The following IFT80 variants were observed in gnomAD, a reference collection of about 807,000 sequenced individuals.
IFT80 encodes intraflagellar transport 80.
IFT80 carries 79 observed loss-of-function variants against 107.9 expected under a neutral mutation model. The observed-to-expected ratio is 0.73, with a 90% CI of 0.61 to 0.88. The LOEUF (loss-of-function observed/expected upper bound fraction) is 0.88. Ranked by LOEUF, IFT80 falls within the 40% of genes least tolerant of loss-of-function variation. IFT80 has a pLI of 0.00. For missense variants in IFT80, 797 were observed against 914.2 expected (o/e 0.87, Z 1.65); for synonymous variants, 299 against 300.9 (o/e 0.99, Z 0.07).
intron 1 of IFT80, among the ~76,000 whole-genome samples, chr3:160,390,275 G>C (rs188970636): frequency 6.6e-6 from 1 of 152,072 alleles, no homozygotes; most frequent in African/African-American, 2.4e-5. Flanking sequence ...AAATTAGCTG[G>C]GCATGGTGGT....
chr3:160,302,608 T>C (rs1490949297), intron 11 of IFT80, among the ~76,000 whole-genome samples: 1 of 152,058 alleles, frequency 6.6e-6, no homozygotes, highest in African/African-American at 2.4e-5. Context: ...AATATATGTC[T>C]TTATTAAGAG....
chr3:160,296,299 G>A (rs1715978700), intron 12 of IFT80, among the ~76,000 whole-genome samples: 1 of 151,986 alleles, frequency 6.6e-6, no homozygotes, highest in Admixed American at 6.6e-5. Context: ...TAAACTTCTG[G>A]TAACTTTTGA....
chr3:160,304,559 C>T (rs1404153229), intron 10 of IFT80, among the ~76,000 whole-genome samples: 1 of 151,794 alleles, frequency 6.6e-6, no homozygotes, highest in Non-Finnish European at 1.5e-5. Context: ...CCTCAGCCTC[C>T]CGAGTAGCTG....
chr3:160,344,491 TA>T (rs1257309628), intron 8 of IFT80, among the ~76,000 whole-genome samples: 1 of 152,100 alleles, frequency 6.6e-6, no homozygotes, highest in Non-Finnish European at 1.5e-5. Flanking sequence ...ATGAAACTAC[TA>T]AAAGAAAGCA....
chr3:160,289,853 C>G (rs1999732), intron 12 of IFT80, among the ~76,000 whole-genome samples: 152,037 of 152,254 alleles, frequency 1, 75,910 homozygotes, highest in Middle Eastern at 1. Flanking sequence ...AAAATGGACA[C>G]GGGGTGGAGA....
At chr3:160,397,967 T>C (rs1470038945) in intron 1 of IFT80, among the ~76,000 whole-genome samples, 4 of 152,076 alleles carry the variant, frequency 2.6e-5, no homozygotes, top group Admixed American at 6.5e-5. Context: ...GTGATCCGCA[T>C]AGTTGATACC....
At chr3:160,380,247 G>T (rs1712369284) in intron 3 of IFT80, among the ~76,000 whole-genome samples, 2 of 151,800 alleles carry the variant, frequency 1.3e-5, no homozygotes. Context: ...ATGTTGCTCA[G>T]GCTGGTCTCG....
chr3:160,289,551 A>T (rs1209330496), intron 12 of IFT80, among the ~76,000 whole-genome samples: 1 of 152,116 alleles, frequency 6.6e-6, no homozygotes, highest in Non-Finnish European at 1.5e-5. Context: ...GAGTCAAGGG[A>T]CTCATCATAG....
intron 18 of IFT80, among the ~76,000 whole-genome samples, chr3:160,273,521 C>T (rs1391001924): frequency 1.3e-5 from 2 of 151,824 alleles, no homozygotes; most frequent in Non-Finnish European, 2.9e-5. Flanking sequence ...ATAGGGAGGG[C>T]GAAGGTGAGG....
chr3:160,363,102 C>A (rs1008417587), intron 6 of IFT80, among the ~76,000 whole-genome samples: 4 of 152,012 alleles, frequency 2.6e-5, no homozygotes, highest in Non-Finnish European at 4.4e-5. Context: ...ATGACACAAT[C>A]GTATATTTAG....
intron 6 of IFT80, among the ~76,000 whole-genome samples, chr3:160,360,811 G>C (rs1721435251): frequency 6.6e-6 from 1 of 152,108 alleles, no homozygotes; most frequent in Non-Finnish European, 1.5e-5. Flanking sequence ...CAAATGCTGA[G>C]AGATTTTGTC....
In IFT80 at chr3:160,362,767, C is replaced by T. The variant is rs551917231; in HGVS notation, c.549+3276G>A. ...ACATAAACAGAACCAACGACAAAAC[C>T]ACATGATTATCTCAATAGATGCAGA... On this transcript the variant is annotated intron_variant, in intron 6 of 19. Transcript: ENST00000326448. 5.3e-5 allele frequency among the ~76,000 whole-genome samples: 8 copies of T among 152,234 alleles called. No homozygotes were observed. The East Asian group carries it at 1.2e-3, about 22-fold the overall frequency.
intron 8 of IFT80, among the ~76,000 whole-genome samples, chr3:160,329,555 C>T (rs1262107424): frequency 1.3e-5 from 2 of 152,150 alleles, no homozygotes; most frequent in African/African-American, 4.8e-5. Context: ...GGAGAGGTAC[C>T]TTCCCTGTAC....
chr3:160,345,812 T>C (rs1720251985), intron 8 of IFT80, among the ~76,000 whole-genome samples: 1 of 151,718 alleles, frequency 6.6e-6, no homozygotes, highest in South Asian at 2.1e-4. Context: ...AAAGAATGAC[T>C]AAGATCTACT....
intron 8 of IFT80, among the ~76,000 whole-genome samples, chr3:160,349,090 C>T (rs138582632): frequency 1.3e-5 from 2 of 149,212 alleles, no homozygotes; most frequent in East Asian, 3.9e-4. Flanking sequence ...GTGTCATATA[C>T]AAATTGTATC....
intron 5 of IFT80, among the ~76,000 whole-genome samples, chr3:160,366,582 C>T (rs1268449786): frequency 1.3e-5 from 2 of 151,974 alleles, no homozygotes; most frequent in Non-Finnish European, 2.9e-5. Context: ...CATTTATTTG[C>T]AACTAGTTCA....
At chr3:160,292,902 A>T (rs967323228) in intron 12 of IFT80, among the ~76,000 whole-genome samples, 5 of 152,158 alleles carry the variant, frequency 3.3e-5, no homozygotes, top group Non-Finnish European at 5.9e-5. Flanking sequence ...GTTCCCAAGA[A>T]AGAAATTGTA....
chr3:160,299,507 T>G (rs1716246665), intron 12 of IFT80, among the ~76,000 whole-genome samples: 1 of 152,170 alleles, frequency 6.6e-6, no homozygotes, highest in South Asian at 2.1e-4. Context: ...ATTTAATATT[T>G]AATATTTTTC....
chr3:160,277,190 C>A (rs539049446), intron 18 of IFT80, 116 bp downstream of exon 18: 2 of 849,048 alleles, frequency 2.4e-6, no homozygotes, highest in Non-Finnish European at 4.0e-6. Flanking sequence ...TGAATAAATT[C>A]TTCTGTGGTG....
Sources: allele counts gnomAD v4.1 joint callset (sites outside exome capture counted in the v4.1 genomes callset), GRCh38; gene constraint gnomAD v4.1.1; transcripts MANE v1.5; gene names NCBI Gene and HGNC (gene_info 2026-07-23, HGNC 2026-07-21).